CAP2: variants seen among roughly 807,000 people sequenced by gnomAD.
CAP2 encodes the protein adenylyl cyclase-associated protein 2.
Under a neutral mutation model 57.7 loss-of-function variants are expected in CAP2, and 24 were observed. The ratio of observed to expected loss-of-function variants is 0.42; its 90% confidence interval spans 0.30 to 0.58. CAP2 has a LOEUF of 0.58. Ranked by LOEUF, CAP2 falls within the 20% of genes least tolerant of loss-of-function variation. The pLI is 0.22. For synonymous variants in CAP2, 194 were observed against 207.2 expected (o/e 0.94, Z 0.55); for missense variants, 501 against 590.3 (o/e 0.85, Z 1.57).
chr6:17,403,602 T>A (rs1592046), intron 1 of CAP2, among the ~76,000 whole-genome samples: 22,444 of 152,166 alleles, frequency 0.15, 5,546 homozygotes, highest in African/African-American at 0.51. Context: ...TAGCTTTTTT[T>A]AAAAAATGTT....
At chr6:17,488,838 T>C (rs1189513219) in intron 4 of CAP2, among the ~76,000 whole-genome samples, 1 of 152,192 alleles carries the variant, frequency 6.6e-6, no homozygotes, top group African/African-American at 2.4e-5. Flanking sequence ...ATCTAAGGGA[T>C]TCATGAACAT....
At chr6:17,509,522 A>C (rs904789418) in intron 6 of CAP2, among the ~76,000 whole-genome samples, 11 of 152,122 alleles carry the variant, frequency 7.2e-5, no homozygotes, top group African/African-American at 2.4e-5. Context: ...TACTAAAAAT[A>C]CAAAAAGCCG....
intron 1 of CAP2, among the ~76,000 whole-genome samples, chr6:17,397,694 C>CAAAAAAAAAAAAAAAAAA (rs554131865): frequency 1.4e-5 from 1 of 70,606 alleles, no homozygotes. Context: ...GACTCCATAT[C>CAAAAAAAAAAAAAAAAAA]AAAAAAAAAA....
intron 4 of CAP2, among the ~76,000 whole-genome samples, chr6:17,483,332 CT>C (rs1158863239): frequency 6.6e-6 from 1 of 152,044 alleles, no homozygotes; most frequent in African/African-American, 2.4e-5. Context: ...TTCTTGATTT[CT>C]TTTTTTTCCT....
rs558302305 is a variant in CAP2 at position 17,426,738 on chromosome 6, G to A, written c.222+48G>A. On this transcript the variant is annotated intron_variant, in intron 3 of 12. Transcript: ENST00000229922. ...CTCAGTAGAGAGTTTAAACTTACCA[G>A]CCCAGCCTCTGACAACGCTAACAGC... 5 of 1,281,474 alleles carry A rather than the reference G, an allele frequency of 3.9e-6. No individual in the cohort carries two copies. In the Admixed American group the frequency reaches 8.4e-5, roughly 22 times the overall value. 79.4% of individuals were successfully genotyped at this position (1,281,474 alleles called of 1,614,324 possible).
At chr6:17,440,602 C>A (rs1760043780) in intron 3 of CAP2, among the ~76,000 whole-genome samples, 1 of 118,374 alleles carries the variant, frequency 8.4e-6, no homozygotes, top group Non-Finnish European at 1.7e-5. Context: ...GGGCTGAAAA[C>A]AAACTGTGTG....
intron 11 of CAP2, among the ~76,000 whole-genome samples, chr6:17,543,480 G>T (rs1275042699): frequency 6.6e-6 from 1 of 152,106 alleles, no homozygotes; most frequent in Non-Finnish European, 1.5e-5. Flanking sequence ...AATTAGCTGG[G>T]CATGGTGGCA....
At chr6:17,509,610 G>A (rs1762091281) in intron 6 of CAP2, among the ~76,000 whole-genome samples, 1 of 152,110 alleles carries the variant, frequency 6.6e-6, no homozygotes, top group Admixed American at 6.5e-5. Flanking sequence ...GGGAGGCGGA[G>A]GTTGCAGTGA....
chr6:17,407,401 C>T (rs886204466), intron 1 of CAP2, among the ~76,000 whole-genome samples: 5 of 151,784 alleles, frequency 3.3e-5, no homozygotes, highest in Admixed American at 3.3e-4. Context: ...ACCGCTTGAG[C>T]CCAGGAGCTC....
chr6:17,556,094 C>T (rs1221964695), intron 12 of CAP2, among the ~76,000 whole-genome samples: 1 of 152,144 alleles, frequency 6.6e-6, no homozygotes, highest in Admixed American at 6.5e-5. Flanking sequence ...CATCTATCTC[C>T]AGTGCTTAGA....
rs542442316 is a variant in CAP2 at position 17,398,273 on chromosome 6, G to T, written c.-2+4527G>T. On this transcript the variant is annotated intron_variant, in intron 1 of 12. Transcript: ENST00000229922. ...GAATAGTTACTAAACCTCATTAAAA[G>T]TTGCCTCGTATTGTATATCCTGCGG... 1.2e-4 allele frequency among the ~76,000 whole-genome samples: 19 copies of T among 152,214 alleles called. No homozygotes were observed. In the East Asian group the frequency reaches 3.5e-3, roughly 28 times the overall value.
chr6:17,428,043 T>G (rs1759635568), intron 3 of CAP2, among the ~76,000 whole-genome samples: 1 of 152,174 alleles, frequency 6.6e-6, no homozygotes, highest in Non-Finnish European at 1.5e-5. Context: ...TTTCCAAGAT[T>G]AAGAAGTTCT....
At chr6:17,404,058 G>A (rs1207455431) in intron 1 of CAP2, among the ~76,000 whole-genome samples, 2 of 152,192 alleles carry the variant, frequency 1.3e-5, no homozygotes, top group Admixed American at 6.5e-5. Flanking sequence ...CAAAAACCAA[G>A]GGTCAGTAAT....
At chr6:17,523,185 A>C (rs1056754157) in intron 7 of CAP2, among the ~76,000 whole-genome samples, 4 of 152,200 alleles carry the variant, frequency 2.6e-5, no homozygotes, top group African/African-American at 7.2e-5. Flanking sequence ...TATGTGACCT[A>C]GAGTGTGACA....
chr6:17,441,351 T>A (rs1760067836), intron 3 of CAP2, among the ~76,000 whole-genome samples: 1 of 151,632 alleles, frequency 6.6e-6, no homozygotes, highest in Non-Finnish European at 1.5e-5. Context: ...AAAATCCTTA[T>A]GTACTTTCAA....
chr6:17,445,435 G>A (rs1184483996), intron 3 of CAP2, among the ~76,000 whole-genome samples: 1 of 152,196 alleles, frequency 6.6e-6, no homozygotes, highest in Non-Finnish European at 1.5e-5. Flanking sequence ...TGAAGGTCAG[G>A]TTAAGAAATA....
intron 6 of CAP2, among the ~76,000 whole-genome samples, chr6:17,511,602 C>A (rs1182529356): frequency 6.6e-6 from 1 of 152,098 alleles, no homozygotes; most frequent in East Asian, 1.9e-4. Context: ...CAGGCATGCA[C>A]CACCACACCC....
intron 3 of CAP2, among the ~76,000 whole-genome samples, chr6:17,433,843 G>C (rs1301712471): frequency 3.3e-5 from 5 of 152,146 alleles, no homozygotes; most frequent in Non-Finnish European, 7.3e-5. Flanking sequence ...ACATCCCTGT[G>C]ACTCCTTTTT....
At chr6:17,530,104 G>A (rs1034279469) in intron 7 of CAP2, among the ~76,000 whole-genome samples, 1 of 152,098 alleles carries the variant, frequency 6.6e-6, no homozygotes, top group Non-Finnish European at 1.5e-5. Flanking sequence ...TTTGAGACAG[G>A]GTCTCTGTCT....
Sources: allele counts gnomAD v4.1 joint callset (sites outside exome capture counted in the v4.1 genomes callset), GRCh38; gene constraint gnomAD v4.1.1; transcripts MANE v1.5; gene names NCBI Gene and HGNC (gene_info 2026-07-23, HGNC 2026-07-21).